The following AP3B1 variants were observed in gnomAD, a reference collection of about 807,000 sequenced individuals.
AP3B1 encodes the protein AP-3 complex subunit beta-1.
A neutral mutation model predicts 132.5 loss-of-function variants in AP3B1; 61 were observed. The ratio of observed to expected loss-of-function variants is 0.46; its 90% CI spans 0.37 to 0.57. The LOEUF (loss-of-function observed/expected upper bound fraction) is 0.57, where lower values mean the gene tolerates loss of function less well. Among genes scored for constraint, AP3B1 ranks in the 20% least tolerant of loss-of-function variants. AP3B1 has a pLI of 0.00. For synonymous variants in AP3B1, 388 were observed against 438.3 expected (o/e 0.89, Z 1.43); for missense variants, 1,120 against 1,289.4 (o/e 0.87, Z 2.01).
At chr5:78,156,431 G>T in intron 13 of AP3B1, 64 bp from the exon 14 acceptor site, 1 of 1,141,592 alleles carries the variant, frequency 8.8e-7, no homozygotes. Flanking sequence ...AATATGCTTC[G>T]TAAAATGTAA....
At chr5:78,242,296 G>A (rs1747170198) in intron 2 of AP3B1, among the ~76,000 whole-genome samples, 1 of 152,090 alleles carries the variant, frequency 6.6e-6, no homozygotes, top group South Asian at 2.1e-4. Flanking sequence ...CATGGCCCCA[G>A]CTTTCTAAGT....
Position 78,181,636 on chromosome 5 carries a change from C to A in AP3B1, c.813G>T (p.Lys271Asn), listed in dbSNP as rs914618490. 11 of 1,612,052 alleles carry A rather than the reference C, an allele frequency of 6.8e-6. No homozygotes were observed. Among genetic ancestry groups the A allele is most frequent in the African/African-American group, 1.3e-5 (1 of 74,836 alleles). ...KEGDELEDNG[K>N]NFYESDDDQK... is the part of the protein sequence containing the mutation. ...GATCATCATCAGATTCGTAGAAATTCTTTCCATTGTCTTCTAATTCATCAC... is the reference window on the plus strand; with the variant it reads ...GATCATCATCAGATTCGTAGAAATTATTTCCATTGTCTTCTAATTCATCAC... The change falls in exon 8 of 27, where the codon AAG becomes AAT. Residue 271 changes from lysine (K) to asparagine (N), a missense_variant. Physicochemically the swap from Lys to Asn is moderately conservative, Grantham distance 94 (BLOSUM62 0). Coordinates refer to ENST00000255194, the MANE Select transcript of AP3B1 (RefSeq NM_003664.5).
intron 17 of AP3B1, among the ~76,000 whole-genome samples, chr5:78,117,435 A>T (rs1043244879): frequency 6.6e-6 from 1 of 150,958 alleles, no homozygotes; most frequent in African/African-American, 2.4e-5. Context: ...TCATCCTCCC[A>T]AGTAGCTGGG....
chr5:78,192,378 C>T (rs762686078), intron 7 of AP3B1, among the ~76,000 whole-genome samples: 1 of 151,974 alleles, frequency 6.6e-6, no homozygotes, highest in Non-Finnish European at 1.5e-5. Context: ...CGCAGTGGCT[C>T]ACACCTGTAA....
rs1387380895 is a variant in AP3B1 at position 78,165,620 on chromosome 5, CGAA to C, written c.1217_1219del (p.Leu406del). On this transcript the variant is annotated inframe_deletion, in exon 12 of 27. Coordinates refer to ENST00000255194, the MANE Select transcript of AP3B1 (RefSeq NM_003664.5). ...GCACTGTACACAAACCTGAAATTCT[CGAA>C]GAAGAGTTGATATGTTGGCTTCATT... 1 of 1,608,054 alleles carries C rather than the reference CGAA, an allele frequency of 6.2e-7. No individual in the cohort carries two copies. The highest frequency in any genetic ancestry group is 1.3e-5 in the African/African-American group (1 of 74,698).
intron 3 of AP3B1, among the ~76,000 whole-genome samples, chr5:78,237,366 C>A (rs1328557151): frequency 1.3e-5 from 2 of 151,662 alleles, no homozygotes; most frequent in East Asian, 3.9e-4. Context: ...TAGTGGCACG[C>A]ACCTGTGGTC....
At chr5:78,018,702 C>A (rs867053488) in intron 25 of AP3B1, among the ~76,000 whole-genome samples, 40 of 140,572 alleles carry the variant, frequency 2.8e-4, no homozygotes, top group East Asian at 2.3e-3. Flanking sequence ...ACACACACAC[C>A]CCTTAAATTT....
intron 11 of AP3B1, among the ~76,000 whole-genome samples, chr5:78,166,908 C>T (rs1444068927): frequency 1.3e-5 from 2 of 152,060 alleles, no homozygotes; most frequent in East Asian, 1.9e-4. Flanking sequence ...AAGATAACAT[C>T]GGAAAAACCC....
At chr5:78,182,586 C>T (rs374409700) in intron 7 of AP3B1, among the ~76,000 whole-genome samples, 7 of 152,146 alleles carry the variant, frequency 4.6e-5, no homozygotes, top group Admixed American at 4.6e-4. Flanking sequence ...ATCCACAACT[C>T]GGTGCAGAAG....
At chr5:78,080,855 G>C (rs1030427836) in intron 22 of AP3B1, among the ~76,000 whole-genome samples, 11 of 152,086 alleles carry the variant, frequency 7.2e-5, no homozygotes, top group African/African-American at 2.7e-4. Context: ...AAAAACTTTT[G>C]ATTGGCTGGT....
At chr5:78,189,096 A>C (rs141741316) in intron 7 of AP3B1, among the ~76,000 whole-genome samples, 215 of 152,264 alleles carry the variant, frequency 1.4e-3, no homozygotes, top group African/African-American at 4.7e-3. Context: ...TGGGGAGAGC[A>C]TTAGGGAAAA....
At chr5:78,142,765 G>A (rs183617761) in intron 14 of AP3B1, among the ~76,000 whole-genome samples, 58 of 152,240 alleles carry the variant, frequency 3.8e-4, no homozygotes, top group Admixed American at 1.2e-3. Context: ...CATGTTTGGT[G>A]AGACACAAGA....
intron 1 of AP3B1, among the ~76,000 whole-genome samples, chr5:78,293,272 G>A (rs773890895): frequency 2.6e-5 from 4 of 152,186 alleles, no homozygotes; most frequent in African/African-American, 7.2e-5. Context: ...CCGATATACA[G>A]GTTAATTCAG....
At chr5:78,014,039 T>C (rs556314954) in intron 26 of AP3B1, among the ~76,000 whole-genome samples, 1 of 152,238 alleles carries the variant, frequency 6.6e-6, no homozygotes, top group African/African-American at 2.4e-5. Flanking sequence ...GCCGGGTGCC[T>C]GTAGTCCCAG....
At chr5:78,194,196 T>G (rs187287823) in intron 7 of AP3B1, among the ~76,000 whole-genome samples, 1 of 152,326 alleles carries the variant, frequency 6.6e-6, no homozygotes, top group Non-Finnish European at 1.5e-5. Context: ...TATTATTTTA[T>G]GTATGAAGCC....
chr5:78,212,629 C>T (rs1745788996), intron 7 of AP3B1, among the ~76,000 whole-genome samples: 2 of 152,034 alleles, frequency 1.3e-5, no homozygotes, highest in Admixed American at 6.6e-5. Flanking sequence ...TGGATGATTC[C>T]ATGAAACAAC....
chr5:78,041,309 C>T (rs1025985196), intron 22 of AP3B1, among the ~76,000 whole-genome samples: 2 of 151,524 alleles, frequency 1.3e-5, no homozygotes, highest in African/African-American at 4.9e-5. Flanking sequence ...CTAATCTCAG[C>T]ACTTCGAGAG....
Position 78,089,442 on chromosome 5 carries a change from A to G in AP3B1, c.2528T>C (p.Met843Thr). The G allele has an allele frequency of 6.2e-7, 1 of 1,613,572 alleles. No individual in the cohort carries two copies. Among genetic ancestry groups the G allele is most frequent in the Non-Finnish European group, 8.5e-7 (1 of 1,179,566 alleles). Residue 843 changes from methionine (M) to threonine (T), a missense_variant, in exon 22 of 27, where the codon ATG becomes ACG. Physicochemically the swap from Met to Thr is moderately conservative, Grantham distance 81. Coordinates refer to ENST00000255194, the MANE Select transcript of AP3B1 (RefSeq NM_003664.5). ...CAAGTGTAAACCTTCAAGATCAGCC[A>G]TCAAACTTGGAGAAAGAGCTGGTGT... ...LPTPALSPSLMADLEGLHLST... is the reference protein window; with the variant it reads ...LPTPALSPSLTADLEGLHLST...
At chr5:78,169,390 G>A (rs1360748868) in intron 11 of AP3B1, among the ~76,000 whole-genome samples, 2 of 152,206 alleles carry the variant, frequency 1.3e-5, no homozygotes, top group East Asian at 3.9e-4. Context: ...CCACCTTTCT[G>A]TTCTTCACAA....
Sources: gnomAD v4.1 joint callset for allele counts (sites outside exome capture counted in the v4.1 genomes callset) on GRCh38, gnomAD v4.1.1 for gene constraint, MANE v1.5 for transcripts, NCBI Gene and HGNC (gene_info 2026-07-23, HGNC 2026-07-21) for gene names.